Variants in DCTN4 observed in about 807,000 individuals in gnomAD.
DCTN4 encodes dynactin subunit 4.
In DCTN4, 23 loss-of-function variants were observed where a neutral mutation model predicts 62.7. That is an observed-to-expected ratio of 0.37 (90% CI 0.26 to 0.52). The LOEUF (loss-of-function observed/expected upper bound fraction) is 0.52, where lower values mean the gene tolerates loss of function less well. Among genes scored for constraint, DCTN4 ranks in the 20% least tolerant of loss-of-function variants. DCTN4 has a pLI of 0.92. For missense variants in DCTN4, 514 were observed against 580.4 expected (o/e 0.89, Z 1.18); for synonymous variants, 199 against 202.1 (o/e 0.98, Z 0.13).
At chr5:150,739,653 G>A (rs1760701350) in intron 4 of DCTN4, among the ~76,000 whole-genome samples, 1 of 152,108 alleles carries the variant, frequency 6.6e-6, no homozygotes, top group South Asian at 2.1e-4. Context: ...CAACTCTGGA[G>A]GCATCACATT....
intron 4 of DCTN4, among the ~76,000 whole-genome samples, chr5:150,738,781 A>T (rs528320764): frequency 1.8e-4 from 28 of 152,332 alleles, no homozygotes; most frequent in African/African-American, 6.3e-4. Flanking sequence ...CAAGGAAAGA[A>T]ATAAAGGGCA....
chr5:150,729,063 T>C (rs1234600991), intron 8 of DCTN4, among the ~76,000 whole-genome samples: 2 of 133,372 alleles, frequency 1.5e-5, no homozygotes, highest in African/African-American at 6.0e-5. Flanking sequence ...TTTTTTTTTT[T>C]TTTTTTTTTT....
At chr5:150,731,259 C>A in intron 6 of DCTN4, 103 bp from the exon 7 acceptor site, 1 of 987,854 alleles carries the variant, frequency 1.0e-6, no homozygotes, top group South Asian at 1.4e-5. Flanking sequence ...AAGTATTCCT[C>A]TGTCATAGAA....
intron 11 of DCTN4, among the ~76,000 whole-genome samples, chr5:150,716,195 C>T (rs931599127): frequency 2.0e-5 from 3 of 152,110 alleles, no homozygotes; most frequent in African/African-American, 4.8e-5. Flanking sequence ...TGAGCCACCG[C>T]GCCTAGCCCT....
intron 8 of DCTN4, among the ~76,000 whole-genome samples, chr5:150,723,921 G>GT: frequency 6.6e-6 from 1 of 152,188 alleles, no homozygotes; most frequent in African/African-American, 2.4e-5. Flanking sequence ...GTGTCCCACT[G>GT]TAACAATTTC....
intron 9 of DCTN4, among the ~76,000 whole-genome samples, chr5:150,722,576 T>A (rs1417140859): frequency 6.6e-6 from 1 of 152,228 alleles, no homozygotes; most frequent in Non-Finnish European, 1.5e-5. Flanking sequence ...TCATTATTTT[T>A]AAATTTTTTT....
Position 150,722,921 on chromosome 5 carries a change from G to A in DCTN4, c.894C>T (p.Ile298=). 1 of 1,612,322 alleles carries A rather than the reference G, an allele frequency of 6.2e-7. No individual in the cohort carries two copies. The highest frequency in any genetic ancestry group is 8.5e-7 in the Non-Finnish European group (1 of 1,179,218). ...AAAATACTTACACAGCGACCAGCTG[G>A]ATTTTGAATTTGATTGACGTTGGGT... is the stretch of plus-strand genomic sequence containing the variant. ...EFNPTSIKFK[I]QLVAVNYIPE... Residue 298 remains isoleucine, a synonymous_variant, in exon 9 of 13, where the codon ATC becomes ATT. Coordinates refer to ENST00000447998, the MANE Select transcript of DCTN4 (RefSeq NM_016221.4).
intron 11 of DCTN4, among the ~76,000 whole-genome samples, chr5:150,717,353 G>A (rs1186614607): frequency 2.0e-5 from 3 of 152,150 alleles, no homozygotes; most frequent in Non-Finnish European, 4.4e-5. Flanking sequence ...GGGTTCAAGT[G>A]ATTCTCCCAT....
At chr5:150,712,747 C>T (rs1759615859) in intron 12 of DCTN4, among the ~76,000 whole-genome samples, 1 of 152,168 alleles carries the variant, frequency 6.6e-6, no homozygotes, top group Non-Finnish European at 1.5e-5. Context: ...CTCATTTGTG[C>T]ATACAGTTTG....
chr5:150,722,024 C>A (rs906834544), intron 9 of DCTN4, among the ~76,000 whole-genome samples: 1 of 151,818 alleles, frequency 6.6e-6, no homozygotes, highest in East Asian at 1.9e-4. Flanking sequence ...TGGGGTCTTA[C>A]TATGTTGTCC....
At chr5:150,743,525 G>A (rs892973573) in intron 3 of DCTN4, among the ~76,000 whole-genome samples, 6 of 152,156 alleles carry the variant, frequency 3.9e-5, no homozygotes, top group African/African-American at 1.2e-4. Flanking sequence ...TCTGACCCCC[G>A]AGCAGCCTAA....
intron 8 of DCTN4, among the ~76,000 whole-genome samples, chr5:150,727,445 A>C (rs1384033327): frequency 6.6e-6 from 1 of 152,176 alleles, no homozygotes; most frequent in African/African-American, 2.4e-5. Context: ...TAAAATATTT[A>C]ATTTTAGGCT....
intron 3 of DCTN4, among the ~76,000 whole-genome samples, chr5:150,747,345 A>G (rs909539546): frequency 2.6e-5 from 4 of 152,196 alleles, no homozygotes; most frequent in Non-Finnish European, 4.4e-5. Context: ...AATCAATATC[A>G]AGAAAATGGC....
intron 9 of DCTN4, among the ~76,000 whole-genome samples, chr5:150,720,904 G>C (rs1349290590): frequency 6.6e-6 from 1 of 152,198 alleles, no homozygotes; most frequent in Non-Finnish European, 1.5e-5. Flanking sequence ...TCTGTAATGA[G>C]TATAATTCTT....
At chr5:150,743,832 G>C (rs1760859336) in intron 3 of DCTN4, among the ~76,000 whole-genome samples, 1 of 152,148 alleles carries the variant, frequency 6.6e-6, no homozygotes, top group Non-Finnish European at 1.5e-5. Flanking sequence ...AAATCACAAA[G>C]ATGGGGAAAA....
chr5:150,732,107 T>C (rs1760395968), intron 5 of DCTN4, among the ~76,000 whole-genome samples: 1 of 152,230 alleles, frequency 6.6e-6, no homozygotes, highest in African/African-American at 2.4e-5. Flanking sequence ...TTCACTTCTT[T>C]TTGCAAATGT....
intron 8 of DCTN4, among the ~76,000 whole-genome samples, chr5:150,729,893 CT>C (rs1198581185): frequency 1.3e-5 from 2 of 152,186 alleles, no homozygotes; most frequent in East Asian, 3.9e-4. Flanking sequence ...CCCTCCTCCC[CT>C]GGGCCCTTTC....
At chr5:150,757,144 A>T (rs1407899230) in intron 1 of DCTN4, among the ~76,000 whole-genome samples, 3 of 152,192 alleles carry the variant, frequency 2.0e-5, no homozygotes, top group Non-Finnish European at 4.4e-5. Flanking sequence ...GTCACCTGCA[A>T]ATGAAAAGAC....
intron 3 of DCTN4, among the ~76,000 whole-genome samples, chr5:150,750,717 C>T (rs1581602329): frequency 1.3e-5 from 2 of 152,114 alleles, no homozygotes; most frequent in South Asian, 4.1e-4. Flanking sequence ...TTTGTGGCTG[C>T]ATACATATGT....
Sources: allele counts gnomAD v4.1 joint callset (sites outside exome capture counted in the v4.1 genomes callset), GRCh38; gene constraint gnomAD v4.1.1; transcripts MANE v1.5; gene names NCBI Gene and HGNC (gene_info 2026-07-23, HGNC 2026-07-21).